Variants in FGF6 observed in about 807,000 individuals in gnomAD.
FGF6 encodes the protein fibroblast growth factor 6.
FGF6 carries 14 observed loss-of-function variants against 18.4 expected under a neutral mutation model. The observed-to-expected ratio is 0.76, with a 90% confidence interval of 0.50 to 1.19. The LOEUF (loss-of-function observed/expected upper bound fraction) is 1.19. Among genes scored for constraint, FGF6 ranks in the 50% most tolerant of loss-of-function variants. FGF6 has a pLI of 0.00. For missense variants in FGF6, 266 were observed against 271.6 expected (o/e 0.98, Z 0.15); for synonymous variants, 125 against 116.7 (o/e 1.07, Z -0.46).
intron 2 of FGF6, among the ~76,000 whole-genome samples, chr12:4,439,867 A>G (rs974052022): frequency 1.3e-5 from 2 of 152,094 alleles, no homozygotes; most frequent in African/African-American, 4.8e-5. Flanking sequence ...CTCAGCACCC[A>G]CATCTGTGGG....
chr12:4,441,535 A>G (rs1865690809), intron 2 of FGF6, among the ~76,000 whole-genome samples: 1 of 152,102 alleles, frequency 6.6e-6, no homozygotes, highest in Non-Finnish European at 1.5e-5. Flanking sequence ...ATATTGTCTA[A>G]AGGGGGGCCT....
intron 2 of FGF6, among the ~76,000 whole-genome samples, chr12:4,435,881 C>T (rs1865622321): frequency 6.6e-6 from 1 of 152,116 alleles, no homozygotes; most frequent in Non-Finnish European, 1.5e-5. Flanking sequence ...GCGGGGATTT[C>T]CTGCTCTTGT....
At chr12:4,439,598 C>T (rs944211121) in intron 2 of FGF6, among the ~76,000 whole-genome samples, 4 of 152,116 alleles carry the variant, frequency 2.6e-5, no homozygotes, top group Non-Finnish European at 1.5e-5. Flanking sequence ...GTAGATTGTA[C>T]TTTGCTTCTC....
intron 2 of FGF6, among the ~76,000 whole-genome samples, chr12:4,442,156 C>G (rs1865699651): frequency 6.6e-6 from 1 of 152,052 alleles, no homozygotes; most frequent in African/African-American, 2.4e-5. Context: ...TTTAGTAAGC[C>G]CAGCAGTTCA....
At chr12:4,435,481 A>C (rs946464173) in intron 2 of FGF6, among the ~76,000 whole-genome samples, 5 of 152,174 alleles carry the variant, frequency 3.3e-5, no homozygotes, top group Non-Finnish European at 7.3e-5. Context: ...TGTCCATGGA[A>C]ATAGTCTTCC....
intron 2 of FGF6, among the ~76,000 whole-genome samples, chr12:4,441,349 C>G (rs1359644703): frequency 6.6e-6 from 1 of 152,170 alleles, no homozygotes; most frequent in Non-Finnish European, 1.5e-5. Flanking sequence ...GACGGGGCTG[C>G]ACACAGCTGT....
chr12:4,441,251 A>G (rs959486404), intron 2 of FGF6, among the ~76,000 whole-genome samples: 3 of 152,192 alleles, frequency 2.0e-5, no homozygotes, highest in South Asian at 4.1e-4. Context: ...ATCCAGGCCC[A>G]GAGAAGTTCA....
chr12:4,443,198 C>G (rs544182464), intron 2 of FGF6, among the ~76,000 whole-genome samples: 30 of 152,198 alleles, frequency 2.0e-4, no homozygotes, highest in Non-Finnish European at 3.8e-4. Context: ...GACAGCTCCC[C>G]TGGGACCCAG....
Position 4,434,167 on chromosome 12 carries a change from A to T in FGF6, c.*48T>A. On this transcript the variant is annotated 3_prime_UTR_variant, in exon 3 of 3. Coordinates refer to ENST00000228837, the MANE Select transcript of FGF6 (RefSeq NM_020996.3). Reference sequence around the variant, plus strand: ...GAATTCTTCGCTGGTGCAAAATTTCAATCGAACAGATGATGCTTTAAATCT... The same window carrying T: ...GAATTCTTCGCTGGTGCAAAATTTCTATCGAACAGATGATGCTTTAAATCT... 5 of 1,597,312 alleles carry T rather than the reference A, an allele frequency of 3.1e-6. No individual in the cohort carries two copies. The highest frequency in any genetic ancestry group is 4.3e-6 in the Non-Finnish European group (5 of 1,167,228).
Position 4,445,192 on chromosome 12 carries a change from C to T in FGF6, c.346+33G>A. On this transcript the variant is annotated intron_variant, in intron 1 of 2. Coordinates refer to ENST00000228837, the MANE Select transcript of FGF6 (RefSeq NM_020996.3). The surrounding 1 kb of genome is among the most constrained non-coding windows in gnomAD (Gnocchi z 5.5). The stretch of plus-strand genomic sequence containing the variant: ...TTAGCCCTGCATGAGCCCAAACCCC[C>T]AAGCGTCCCGACTGGCTGCAGCTGG... 1 of 1,562,070 alleles carries T rather than the reference C, an allele frequency of 6.4e-7. No homozygotes were observed. Among genetic ancestry groups the T allele is most frequent in the South Asian group, 1.2e-5 (1 of 86,678 alleles).
At chr12:4,436,942 T>G (rs1865635451) in intron 2 of FGF6, among the ~76,000 whole-genome samples, 1 of 152,228 alleles carries the variant, frequency 6.6e-6, no homozygotes, top group Admixed American at 6.5e-5. Flanking sequence ...ATTTGTGGAA[T>G]GGATGAATGA....
chr12:4,439,659 CTTT>C (rs548109801), intron 2 of FGF6, among the ~76,000 whole-genome samples: 1 of 146,804 alleles, frequency 6.8e-6, no homozygotes, highest in African/African-American at 2.5e-5. Context: ...AACATACACA[CTTT>C]TTTTTTTTCT....
rs2270438 is a variant in FGF6 at position 4,439,853 on chromosome 12, C to A, written c.450+4280G>T. Among the ~76,000 whole-genome samples, 180 of 152,150 alleles carry A rather than the reference C, an allele frequency of 1.2e-3. 1 individual carries two copies. The highest frequency in any genetic ancestry group is 4.1e-3 in the African/African-American group (170 of 41,512). On this transcript the variant is annotated intron_variant, in intron 2 of 2. Coordinates refer to ENST00000228837, the MANE Select transcript of FGF6 (RefSeq NM_020996.3). ...CTTCCCCTTGCTGCTCTCTCTCCTC[C>A]GCCCTCAGCACCCACATCTGTGGGG...
Position 4,445,553 on chromosome 12 carries a change from T to C in FGF6, c.18A>G (p.Lys6=), listed in dbSNP as rs1293726871. 5 of 1,597,302 alleles carry C rather than the reference T, an allele frequency of 3.1e-6. No individual in the cohort carries two copies. Among genetic ancestry groups the C allele is most frequent in the Admixed American group, 1.7e-5 (1 of 59,532 alleles). The change falls in exon 1 of 3, where the codon AAA becomes AAG. Residue 6 remains lysine (K), a synonymous_variant. Transcript: ENST00000228837. The surrounding 1 kb of genome is among the most constrained non-coding windows in gnomAD (Gnocchi z 5.5). MALGQ[K]LFITMSRGAG... ...CTCCCCGGGACATAGTGATGAACAG[T>C]TTCTGTCCCAGGGCCATCCACCTTG...
At chr12:4,441,693 C>A (rs1865692538) in intron 2 of FGF6, among the ~76,000 whole-genome samples, 1 of 152,058 alleles carries the variant, frequency 6.6e-6, no homozygotes, top group Admixed American at 6.6e-5. Flanking sequence ...AGCCCAGTTT[C>A]CCTCCCCCAC....
intron 2 of FGF6, among the ~76,000 whole-genome samples, chr12:4,441,875 C>T (rs567398671): frequency 6.6e-5 from 10 of 152,048 alleles, no homozygotes; most frequent in Admixed American, 2.0e-4. Flanking sequence ...CTCTGAGGGG[C>T]GGAGAGGGAG....
At chr12:4,436,025 T>TA (rs17177347) in intron 2 of FGF6, among the ~76,000 whole-genome samples, 2,526 of 151,440 alleles carry the variant, frequency 0.017, 80 homozygotes, top group African/African-American at 0.058. Context: ...TGCTTGAGTA[T>TA]AAAAAAAAAC....
rs764226935 is a variant in FGF6, at chr12:4,434,170, C to T, written c.*45G>A. 23 of 1,598,458 alleles carry T rather than the reference C, an allele frequency of 1.4e-5. No individual in the cohort carries two copies. Among genetic ancestry groups the T allele is most frequent in the African/African-American group, 2.7e-5 (2 of 74,540 alleles). On this transcript the variant is annotated 3_prime_UTR_variant, in exon 3 of 3. Coordinates refer to ENST00000228837, the MANE Select transcript of FGF6 (RefSeq NM_020996.3). ...TTCTTCGCTGGTGCAAAATTTCAAT[C>T]GAACAGATGATGCTTTAAATCTGTG...
At chr12:4,441,418 C>G (rs1302812769) in intron 2 of FGF6, among the ~76,000 whole-genome samples, 1 of 152,208 alleles carries the variant, frequency 6.6e-6, no homozygotes, top group African/African-American at 2.4e-5. Context: ...GGATGAAGAT[C>G]AAATGCACCT....
Sources: allele counts gnomAD v4.1 joint callset (sites outside exome capture counted in the v4.1 genomes callset), GRCh38; gene constraint gnomAD v4.1.1; non-coding constraint Gnocchi (gnomAD v3.1); transcripts MANE v1.5; gene names NCBI Gene and HGNC (gene_info 2026-07-23, HGNC 2026-07-21).